PTK2: variants seen among roughly 807,000 people sequenced by gnomAD.
PTK2 encodes the protein focal adhesion kinase 1.
A neutral mutation model predicts 150.1 loss-of-function variants in PTK2; 45 were observed. The observed-to-expected ratio is 0.30, with a 90% confidence interval of 0.24 to 0.38. The LOEUF (loss-of-function observed/expected upper bound fraction) is 0.38. Among genes scored for constraint, PTK2 ranks in the 10% least tolerant of loss-of-function variants. The pLI, the probability that PTK2 is intolerant of heterozygous loss-of-function variation, is 1.00. For missense variants in PTK2, 919 were observed against 1,307.3 expected, an observed-to-expected ratio of 0.70 and a Z score of 4.58; for synonymous variants, 432 against 449.2, an observed-to-expected ratio of 0.96 and a Z score of 0.48.
intron 1 of PTK2, among the ~76,000 whole-genome samples, chr8:140,995,869 A>C (rs1589204609): frequency 6.6e-6 from 1 of 152,206 alleles, no homozygotes; most frequent in East Asian, 1.9e-4. Flanking sequence ...TGCAAAGGAA[A>C]AGTTATTGAA....
intron 14 of PTK2, among the ~76,000 whole-genome samples, chr8:140,782,889 A>C (rs1271299366): frequency 1.3e-5 from 2 of 152,158 alleles, no homozygotes; most frequent in African/African-American, 2.4e-5. Context: ...AATCACACGC[A>C]AACTCTTTCA....
chr8:140,728,385 G>A (rs1194626073), intron 22 of PTK2, among the ~76,000 whole-genome samples: 1 of 152,072 alleles, frequency 6.6e-6, no homozygotes, highest in Non-Finnish European at 1.5e-5. Flanking sequence ...AACTATAACT[G>A]GTAACTCTTC....
At chr8:140,667,872 C>T (rs979067071) in intron 30 of PTK2, among the ~76,000 whole-genome samples, 3 of 152,168 alleles carry the variant, frequency 2.0e-5, no homozygotes, top group African/African-American at 7.2e-5. Context: ...TGTCTTTGCA[C>T]TCCAACAACG....
chr8:140,702,639 A>C, exon 25 of PTK2: 2 of 1,614,094 alleles, frequency 1.2e-6, no homozygotes, highest in Non-Finnish European at 1.7e-6. Context: ...GGTCCAAAAG[A>C]GATGCCTGAC....
intron 26 of PTK2, among the ~76,000 whole-genome samples, chr8:140,696,039 C>T (rs1361435859): frequency 6.6e-6 from 1 of 152,176 alleles, no homozygotes; most frequent in Non-Finnish European, 1.5e-5. Context: ...CTGTCCGGGA[C>T]TCCTCCTTCC....
intron 14 of PTK2, among the ~76,000 whole-genome samples, chr8:140,765,937 T>C (rs1177219041): frequency 2.6e-5 from 4 of 152,160 alleles, no homozygotes; most frequent in Admixed American, 6.5e-5. Flanking sequence ...ACGCTCAACT[T>C]TGTGATACTC....
intron 14 of PTK2, among the ~76,000 whole-genome samples, chr8:140,766,163 T>C (rs142078230): frequency 9.9e-4 from 151 of 152,324 alleles, no homozygotes; most frequent in African/African-American, 3.5e-3. Flanking sequence ...TCTACAACCC[T>C]GCACGTAGCT....
chr8:140,744,244 T>C (rs1332084997), intron 19 of PTK2, among the ~76,000 whole-genome samples: 1 of 152,036 alleles, frequency 6.6e-6, no homozygotes, highest in Non-Finnish European at 1.5e-5. Flanking sequence ...ATGTCACTCA[T>C]AAGGTTGTGT....
chr8:140,879,676 GAAAAAAA>G, intron 3 of PTK2, 39 bp from the exon 4 acceptor site: 18 of 34,574 alleles, frequency 5.2e-4, no homozygotes, highest in Admixed American at 2.3e-3. Context: ...GTTATAAACT[GAAAAAAA>G]AAAAAAAAAA....
intron 14 of PTK2, among the ~76,000 whole-genome samples, chr8:140,781,880 G>A (rs965678112): frequency 6.6e-6 from 1 of 152,196 alleles, no homozygotes; most frequent in Non-Finnish European, 1.5e-5. Flanking sequence ...AGAACACCCC[G>A]ATCTCAACAG....
intron 31 of PTK2, 50 bp from the exon 36 acceptor site, chr8:140,659,728 TTTC>T: frequency 6.5e-7 from 1 of 1,548,296 alleles, no homozygotes; most frequent in Non-Finnish European, 8.8e-7. Flanking sequence ...GATTTTTTTT[TTTC>T]TTTTTTAGAG....
intron 30 of PTK2, among the ~76,000 whole-genome samples, chr8:140,665,211 T>C (rs373168980): frequency 5.9e-5 from 9 of 152,014 alleles, no homozygotes; most frequent in African/African-American, 1.9e-4. Context: ...CCCTAAGGAG[T>C]GAGTTGAAGA....
chr8:140,840,425 T>C (rs1245708797), intron 7 of PTK2, among the ~76,000 whole-genome samples: 1 of 151,870 alleles, frequency 6.6e-6, no homozygotes, highest in Non-Finnish European at 1.5e-5. Flanking sequence ...AATAATAATG[T>C]CTAATATTTG....
chr8:140,891,834 C>G (rs1027289152), intron 2 of PTK2, among the ~76,000 whole-genome samples: 3 of 152,316 alleles, frequency 2.0e-5, no homozygotes, highest in African/African-American at 7.2e-5. Flanking sequence ...GTTAGGACAT[C>G]CCCAGGCTTG....
At chr8:140,701,321 A>C (rs2100030318) in intron 25 of PTK2, among the ~76,000 whole-genome samples, 1 of 152,236 alleles carries the variant, frequency 6.6e-6, no homozygotes, top group Admixed American at 6.5e-5. Flanking sequence ...AAGTAGAAAC[A>C]ATCTAGAAGT....
At chr8:140,852,235 T>A (rs368059359) in intron 5 of PTK2, among the ~76,000 whole-genome samples, 2 of 152,350 alleles carry the variant, frequency 1.3e-5, no homozygotes, top group African/African-American at 4.8e-5. Flanking sequence ...ATGCACACCC[T>A]GTTGGTAGGT....
intron 5 of PTK2, among the ~76,000 whole-genome samples, chr8:140,857,548 C>A (rs945348157): frequency 6.6e-6 from 1 of 152,140 alleles, no homozygotes; most frequent in Non-Finnish European, 1.5e-5. Flanking sequence ...ATTATTCTTA[C>A]ATTACTGGGG....
intron 2 of PTK2, among the ~76,000 whole-genome samples, chr8:140,900,877 G>A (rs1212778412): frequency 2.0e-5 from 3 of 150,962 alleles, no homozygotes; most frequent in South Asian, 2.1e-4. Context: ...AAATACCAAT[G>A]ACATTCTTCG....
chr8:140,978,088 C>T (rs1050678360), intron 1 of PTK2, among the ~76,000 whole-genome samples: 1 of 152,172 alleles, frequency 6.6e-6, no homozygotes, highest in Middle Eastern at 3.2e-3. Context: ...CCCTTCCTTA[C>T]ACCTTATACA....
Sources: gnomAD v4.1 joint callset for allele counts (sites outside exome capture counted in the v4.1 genomes callset) on GRCh38, gnomAD v4.1.1 for gene constraint, MANE v1.5 for transcripts, NCBI Gene and HGNC (gene_info 2026-07-23, HGNC 2026-07-21) for gene names.